The following LARP4B variants were observed in gnomAD, a reference collection of about 807,000 sequenced individuals.
LARP4B encodes the protein La ribonucleoprotein 4B.
LARP4B carries 12 observed loss-of-function variants against 89.8 expected under a neutral mutation model. The observed-to-expected ratio is 0.13, with a 90% CI of 0.09 to 0.22. The LOEUF is 0.22. LARP4B is among the 10% of genes least tolerant of loss of function. LARP4B has a pLI of 1.00. For missense variants in LARP4B, 757 were observed against 947.7 expected (o/e 0.80, Z 2.64); for synonymous variants, 367 against 363.3 (o/e 1.01, Z -0.12).
At chr10:847,829 T>G (rs996297716) in intron 5 of LARP4B, among the ~76,000 whole-genome samples, 1 of 152,060 alleles carries the variant, frequency 6.6e-6, no homozygotes, top group African/African-American at 2.4e-5. Flanking sequence ...GTGCCCAGCT[T>G]GACATGAGAC....
intron 1 of LARP4B, among the ~76,000 whole-genome samples, chr10:908,550 A>G (rs1212311189): frequency 1.3e-5 from 2 of 152,108 alleles, no homozygotes; most frequent in Non-Finnish European, 2.9e-5. Flanking sequence ...GGGACCTGAC[A>G]CTATCTCCAG....
chr10:944,831 G>C, the LARP4B span, among the ~76,000 whole-genome samples: 1 of 152,198 alleles, frequency 6.6e-6, no homozygotes, highest in East Asian at 1.9e-4. Flanking sequence ...GTTGGCTCAA[G>C]TCGGCGTCTA....
intron 2 of LARP4B, among the ~76,000 whole-genome samples, chr10:885,376 T>C (rs905658582): frequency 6.6e-6 from 1 of 152,230 alleles, no homozygotes; most frequent in Non-Finnish European, 1.5e-5. Context: ...GGTTCTTCCT[T>C]TGTGGAGGCT....
chr10:978,825 G>A, the LARP4B span, among the ~76,000 whole-genome samples: 3 of 152,134 alleles, frequency 2.0e-5, no homozygotes, highest in South Asian at 2.1e-4. Context: ...GTTGGCTTAT[G>A]GTAAGATTTC....
At chr10:927,458 T>G (rs776110570) in intron 1 of LARP4B, among the ~76,000 whole-genome samples, 2 of 152,104 alleles carry the variant, frequency 1.3e-5, no homozygotes, top group Non-Finnish European at 2.9e-5. Context: ...TTTTCTACCT[T>G]ACAATTCCAT....
In LARP4B at chr10:829,427, G is replaced by A. The variant is rs775776604; in HGVS notation, c.1083C>T (p.Pro361=). The A allele has an allele frequency of 6.2e-6, 10 of 1,613,648 alleles. No individual in the cohort carries two copies. The highest frequency in any genetic ancestry group is 7.6e-6 in the Non-Finnish European group (9 of 1,179,784). Reference sequence around the variant, plus strand: ...AGCTGTGCGTTGCTGACCACGTCTGGGGAGTGATCAGGCTGTACAGGGGGA... The same window carrying A: ...AGCTGTGCGTTGCTGACCACGTCTGAGGAGTGATCAGGCTGTACAGGGGGA... The part of the protein sequence containing the change: ...QQFPLYSLIT[P]QTWSATHSYL... Residue 361 remains proline, a synonymous_variant, in exon 11 of 18, where the codon CCC becomes CCT. Transcript: ENST00000316157.
At chr10:961,904 C>CA in the LARP4B span, among the ~76,000 whole-genome samples, 1 of 152,138 alleles carries the variant, frequency 6.6e-6, no homozygotes, top group Non-Finnish European at 1.5e-5. Context: ...TTTGGGGAGA[C>CA]AAATATCCAA....
rs560908073 is a variant in LARP4B at position 913,594 on chromosome 10, G to C, written c.-40+17834C>G. 5.0e-3 allele frequency among the ~76,000 whole-genome samples: 760 copies of C among 152,320 alleles called. 3 individuals are homozygous for C. Among genetic ancestry groups the C allele is most frequent in the Non-Finnish European group, 8.5e-3 (581 of 68,034 alleles). On this transcript the variant is annotated intron_variant, in intron 1 of 17. Transcript: ENST00000316157. ...GAAATGATTAACAAAGAAATAAATT[G>C]AGATGATGGCTAACTTTGTTTAATG...
At chr10:920,009 T>C (rs1279785681) in intron 1 of LARP4B, among the ~76,000 whole-genome samples, 1 of 152,224 alleles carries the variant, frequency 6.6e-6, no homozygotes, top group African/African-American at 2.4e-5. Context: ...GTAAATATAT[T>C]TCAATCTTTT....
the LARP4B span, among the ~76,000 whole-genome samples, chr10:940,040 G>A: frequency 2.3e-4 from 28 of 121,502 alleles, no homozygotes; most frequent in Admixed American, 6.7e-4. Context: ...TTTTTGAGAC[G>A]GAGTTTCACT....
chr10:851,430 C>T (rs371001720), intron 5 of LARP4B, among the ~76,000 whole-genome samples: 9 of 152,112 alleles, frequency 5.9e-5, no homozygotes, highest in African/African-American at 1.2e-4. Flanking sequence ...GTGATCTGCC[C>T]GCCTCGGCCT....
chr10:866,238 T>C (rs1013228805), intron 3 of LARP4B, among the ~76,000 whole-genome samples: 1 of 151,924 alleles, frequency 6.6e-6, no homozygotes, highest in Non-Finnish European at 1.5e-5. Context: ...TAGGGCAAAT[T>C]ATTGGGTTCC....
rs897816447 is a variant in LARP4B, at chr10:844,109, T to A, written c.509+868A>T. Reference sequence around the variant, plus strand: ...CTCGGTGAAGGCCCATGACTGCCGATCAAACGGAGGCCATGCAGGAGGAGG... The same window carrying A: ...CTCGGTGAAGGCCCATGACTGCCGAACAAACGGAGGCCATGCAGGAGGAGG... On this transcript the variant is annotated intron_variant, in intron 6 of 17. Transcript: ENST00000316157. Among the ~76,000 whole-genome samples, 28 of 152,184 alleles carry A rather than the reference T, an allele frequency of 1.8e-4. 1 individual carries two copies. The highest frequency in any genetic ancestry group is 6.3e-4 in the African/African-American group (26 of 41,454).
the LARP4B span, among the ~76,000 whole-genome samples, chr10:954,309 A>T: frequency 6.6e-6 from 1 of 152,124 alleles, no homozygotes; most frequent in Admixed American, 6.5e-5. This position sits in a 1 kb window ranked among gnomAD's most constrained non-coding sequence, Gnocchi z 5.0. Flanking sequence ...GCCTGTGTCC[A>T]CCAGCCCGGC....
chr10:969,241 T>C, the LARP4B span, among the ~76,000 whole-genome samples: 4 of 152,164 alleles, frequency 2.6e-5, no homozygotes, highest in African/African-American at 9.7e-5. Flanking sequence ...TGACAACCTG[T>C]ATTGTGTCTT....
chr10:950,414 C>T, the LARP4B span, among the ~76,000 whole-genome samples: 8 of 152,282 alleles, frequency 5.3e-5, no homozygotes, highest in South Asian at 1.2e-3. Context: ...AGTCTGTGAT[C>T]CATTTTGAAA....
chr10:879,964 G>A (rs1835604920), intron 3 of LARP4B, among the ~76,000 whole-genome samples: 1 of 151,372 alleles, frequency 6.6e-6, no homozygotes, highest in South Asian at 2.1e-4. Flanking sequence ...AGTAGAGACG[G>A]GGTTTCATCA....
chr10:851,403 T>G (rs1834044025), intron 5 of LARP4B, among the ~76,000 whole-genome samples: 1 of 152,106 alleles, frequency 6.6e-6, no homozygotes. Context: ...AGGCTGGTCT[T>G]GAACTCTTGA....
intron 1 of LARP4B, among the ~76,000 whole-genome samples, chr10:924,681 T>C (rs1176116533): frequency 6.6e-6 from 1 of 152,218 alleles, no homozygotes; most frequent in Non-Finnish European, 1.5e-5. Context: ...TCTGCTGACC[T>C]CTCACTCCAC....
Sources: allele counts gnomAD v4.1 joint callset (sites outside exome capture counted in the v4.1 genomes callset), GRCh38; gene constraint gnomAD v4.1.1; non-coding constraint Gnocchi (gnomAD v3.1); transcripts MANE v1.5; gene names NCBI Gene and HGNC (gene_info 2026-07-23, HGNC 2026-07-21).